Variants in CAST observed in about 807,000 individuals in gnomAD.
The protein encoded by CAST is MIR583 host.
CAST carries 76 observed loss-of-function variants against 119.6 expected under a neutral mutation model. That is an observed-to-expected ratio of 0.64 (90% confidence interval 0.53 to 0.77). CAST has a LOEUF of 0.77. Among genes scored for constraint, CAST ranks in the 30% least tolerant of loss-of-function variants. The pLI is 0.00. For synonymous variants in CAST, 319 were observed against 331.6 expected (o/e 0.96, Z 0.41); for missense variants, 953 against 946.5 (o/e 1.01, Z -0.09).
At chr5:96,432,111 C>A in the CAST span, 1 of 1,535,572 alleles carries the variant, frequency 6.5e-7, no homozygotes, top group Non-Finnish European at 8.7e-7. Flanking sequence ...AGAAATAGAT[C>A]CCTTCCCCAT....
At chr5:96,616,888 C>T (rs899670725) in intron 1 of CAST, among the ~76,000 whole-genome samples, 10 of 151,794 alleles carry the variant, frequency 6.6e-5, no homozygotes, top group African/African-American at 2.4e-4. Flanking sequence ...GGGTTTTGGA[C>T]CCCAGGACTC....
chr5:96,449,196 C>T, the CAST span, among the ~76,000 whole-genome samples: 2 of 152,160 alleles, frequency 1.3e-5, no homozygotes, highest in East Asian at 3.8e-4. Context: ...AACTTCTGCC[C>T]CTTCATAGTT....
At chr5:96,196,470 T>A in the CAST span, among the ~76,000 whole-genome samples, 3 of 152,332 alleles carry the variant, frequency 2.0e-5, no homozygotes, top group Admixed American at 6.5e-5. Flanking sequence ...GGGAAAATGA[T>A]AATAAACTTG....
the CAST span, among the ~76,000 whole-genome samples, chr5:96,410,140 A>G: frequency 6.6e-6 from 1 of 152,044 alleles, no homozygotes; most frequent in East Asian, 1.9e-4. Flanking sequence ...CTCCATCGTC[A>G]TGCCCTTGAA....
the CAST span, among the ~76,000 whole-genome samples, chr5:96,028,962 A>G: frequency 9.0e-4 from 137 of 152,322 alleles, 1 homozygote; most frequent in African/African-American, 3.0e-3. Context: ...AGAAAAATCT[A>G]GAAGTACATG....
the CAST span, among the ~76,000 whole-genome samples, chr5:96,141,360 C>T: frequency 6.6e-6 from 1 of 152,194 alleles, no homozygotes; most frequent in African/African-American, 2.4e-5. Flanking sequence ...AAATGGTTGG[C>T]ATTCTCCAAT....
chr5:96,242,721 C>T, the CAST span, among the ~76,000 whole-genome samples: 145 of 152,202 alleles, frequency 9.5e-4, no homozygotes, highest in Middle Eastern at 3.4e-3. Flanking sequence ...ATAACCCTGT[C>T]GACATTTCAG....
chr5:96,733,664 G>A (rs1761043607), intron 9 of CAST, among the ~76,000 whole-genome samples: 3 of 152,248 alleles, frequency 2.0e-5, no homozygotes, highest in Admixed American at 2.0e-4. Context: ...GATCACCTGA[G>A]GTCAGGAGCT....
the CAST span, among the ~76,000 whole-genome samples, chr5:96,481,475 AT>A: frequency 6.6e-6 from 1 of 152,154 alleles, no homozygotes; most frequent in African/African-American, 2.4e-5. Flanking sequence ...GAAAAGCTGG[AT>A]TGTTGCTTGC....
the CAST span, among the ~76,000 whole-genome samples, chr5:96,462,152 A>C: frequency 6.6e-6 from 1 of 152,060 alleles, no homozygotes; most frequent in Non-Finnish European, 1.5e-5. Flanking sequence ...TGCTTACCAT[A>C]GTCTTCATTT....
At chr5:96,484,720 A>G in the CAST span, among the ~76,000 whole-genome samples, 1 of 151,556 alleles carries the variant, frequency 6.6e-6, no homozygotes, top group African/African-American at 2.4e-5. Context: ...CAGTTGAAAA[A>G]TGAACTCCAA....
At chr5:96,485,283 T>A in the CAST span, among the ~76,000 whole-genome samples, 2 of 152,142 alleles carry the variant, frequency 1.3e-5, no homozygotes, top group Non-Finnish European at 2.9e-5. Context: ...ACCAGTCAGA[T>A]CATCAACTCC....
At chr5:96,334,061 G>A in the CAST span, among the ~76,000 whole-genome samples, 1 of 152,114 alleles carries the variant, frequency 6.6e-6, no homozygotes, top group Non-Finnish European at 1.5e-5. Flanking sequence ...TACCTACTTT[G>A]TTCAGAAAAT....
the CAST span, chr5:95,965,142 G>A: frequency 1.3e-5 from 2 of 152,234 alleles, no homozygotes; most frequent in South Asian, 2.1e-4. Flanking sequence ...ATGCTGGACG[G>A]TAGTGAGCTG....
At chr5:96,218,984 A>C in the CAST span, among the ~76,000 whole-genome samples, 1 of 152,112 alleles carries the variant, frequency 6.6e-6, no homozygotes, top group African/African-American at 2.4e-5. Flanking sequence ...AAAAGTGGAG[A>C]TATTAGGTGT....
chr5:96,662,244 C>A, upstream of CAST: 2 of 701,330 alleles, frequency 2.9e-6, no homozygotes, highest in Non-Finnish European at 4.1e-6. Context: ...GAGGGCCCAT[C>A]GGGGCTAGGG....
chr5:96,048,932 T>A, the CAST span, among the ~76,000 whole-genome samples: 1 of 152,094 alleles, frequency 6.6e-6, no homozygotes, highest in African/African-American at 2.4e-5. Context: ...CCATGTAGGA[T>A]CAAAGTCTGC....
Position 96,689,758 on chromosome 5 carries a change from A to G in CAST, c.139-6078A>G, listed in dbSNP as rs181087666. Among the ~76,000 whole-genome samples the G allele has an allele frequency of 2.8e-3, 420 of 152,294 alleles. 2 individuals carry two copies. The highest frequency in any genetic ancestry group is 2.7e-3 in the Non-Finnish European group (183 of 68,002). ...TAACTAGTATCCGATACTCATCATA[A>G]AATTACTTATATTATGAAGTCTACC... On this transcript the variant is annotated intron_variant, in intron 2 of 31. Coordinates refer to ENST00000675179, the MANE Select transcript of CAST (RefSeq NM_001750.7).
the CAST span, chr5:96,079,169 A>G: frequency 2.1e-6 from 1 of 474,720 alleles, no homozygotes; most frequent in Non-Finnish European, 4.4e-6. Flanking sequence ...GGAAGGTCCC[A>G]TTACTGCAGG....
Sources: allele counts gnomAD v4.1 joint callset (sites outside exome capture counted in the v4.1 genomes callset), GRCh38; gene constraint gnomAD v4.1.1; transcripts MANE v1.5; gene names NCBI Gene and HGNC (gene_info 2026-07-23, HGNC 2026-07-21).